Variants in GALNT1 observed in about 807,000 individuals in gnomAD.
GALNT1 encodes the protein polypeptide N-acetylgalactosaminyltransferase 1, also known as GalNAc transferase 1.
In GALNT1, 17 loss-of-function variants were observed where a neutral mutation model predicts 65.7. The observed-to-expected ratio is 0.26, with a 90% CI of 0.18 to 0.39. The LOEUF (loss-of-function observed/expected upper bound fraction) is 0.39. GALNT1 is among the 10% of genes least tolerant of loss of function. The probability of loss-of-function intolerance (pLI) is 1.00; values close to 1 mark genes in which losing one functional copy is unlikely to be tolerated. For synonymous variants in GALNT1, 210 were observed against 219.7 expected (o/e 0.96, Z 0.39); for missense variants, 460 against 672.8 (o/e 0.68, Z 3.50).
At chr18:35,626,814 A>G (rs2046923409) in intron 1 of GALNT1, among the ~76,000 whole-genome samples, 2 of 152,154 alleles carry the variant, frequency 1.3e-5, no homozygotes, top group South Asian at 2.1e-4. Context: ...AGCATACACT[A>G]CTTCTGTACT....
At chr18:35,636,804 T>C (rs1329867667) in intron 1 of GALNT1, among the ~76,000 whole-genome samples, 1 of 149,480 alleles carries the variant, frequency 6.7e-6, no homozygotes, top group Non-Finnish European at 1.5e-5. Flanking sequence ...TTTTTTTTTT[T>C]TTTTCAACAA....
At chr18:35,697,648 T>C (rs1051648232) in intron 9 of GALNT1, among the ~76,000 whole-genome samples, 4 of 152,212 alleles carry the variant, frequency 2.6e-5, no homozygotes, top group Admixed American at 2.0e-4. Flanking sequence ...CAAGGTCTCA[T>C]GGCTAGTCAG....
At chr18:35,686,952 T>C (rs2047877967) in intron 5 of GALNT1, 64 bp from the exon 6 acceptor site, 4 of 1,464,420 alleles carry the variant, frequency 2.7e-6, no homozygotes, top group African/African-American at 2.8e-5. Context: ...TATACAATTG[T>C]TCTGTAGTTG....
At chr18:35,593,093 T>A (rs1219318274) in intron 1 of GALNT1, among the ~76,000 whole-genome samples, 1 of 152,138 alleles carries the variant, frequency 6.6e-6, no homozygotes, top group African/African-American at 2.4e-5. Context: ...AGGAGGATGC[T>A]GCATGTCTGG....
At chr18:35,610,763 AT>A in intron 1 of GALNT1, among the ~76,000 whole-genome samples, 2 of 152,338 alleles carry the variant, frequency 1.3e-5, no homozygotes, top group South Asian at 4.1e-4. Flanking sequence ...TGATATGTTA[AT>A]ATAAACATTT....
At position 35,615,908 on chromosome 18, in the gene GALNT1, A is replaced by G. The variant is rs144384361; in HGVS notation, c.-104+34046A>G. On this transcript the variant is annotated intron_variant, in intron 1 of 11. Coordinates refer to ENST00000269195, the MANE Select transcript of GALNT1 (RefSeq NM_020474.4). The stretch of plus-strand genomic sequence containing the variant: ...TTGGCAGACTTTTCTGTAAAGGGCC[A>G]GATAGTAAGTATTTTAGCCTTTGCA... Among the ~76,000 whole-genome samples, 1,060 of 152,340 alleles carry G rather than the reference A, an allele frequency of 7.0e-3. 8 individuals carry two copies. Among genetic ancestry groups the G allele is most frequent in the Non-Finnish European group, 0.01 (708 of 68,030 alleles).
intron 5 of GALNT1, among the ~76,000 whole-genome samples, chr18:35,685,451 A>G (rs1328588898): frequency 6.6e-6 from 1 of 151,640 alleles, no homozygotes; most frequent in Non-Finnish European, 1.5e-5. Flanking sequence ...ACTATTATAC[A>G]GTGGAAGTTT....
At chr18:35,692,027 C>T (rs954495353) in intron 8 of GALNT1, among the ~76,000 whole-genome samples, 154 bp from the exon 9 acceptor site, 1 of 152,032 alleles carries the variant, frequency 6.6e-6, no homozygotes, top group African/African-American at 2.4e-5. Context: ...TTGCTTTATA[C>T]TTTTGGTGGA....
intron 1 of GALNT1, among the ~76,000 whole-genome samples, chr18:35,599,422 G>C (rs2046551641): frequency 7.2e-6 from 1 of 139,778 alleles, no homozygotes; most frequent in Non-Finnish European, 1.5e-5. Context: ...AAGCTGCAGT[G>C]AATTATGGCA....
intron 1 of GALNT1, among the ~76,000 whole-genome samples, chr18:35,634,739 C>T (rs2144234913): frequency 1.3e-5 from 2 of 152,228 alleles, no homozygotes; most frequent in East Asian, 3.9e-4. Context: ...ACAAACAATA[C>T]AATGTTGTTT....
intron 1 of GALNT1, among the ~76,000 whole-genome samples, chr18:35,616,641 GT>G (rs2046787171): frequency 6.6e-6 from 1 of 152,048 alleles, no homozygotes; most frequent in Admixed American, 6.6e-5. Flanking sequence ...ACCTTCTAGT[GT>G]TTTAGTGTTG....
chr18:35,617,999 G>A (rs1276716079), intron 1 of GALNT1, among the ~76,000 whole-genome samples: 1 of 150,926 alleles, frequency 6.6e-6, no homozygotes, highest in Non-Finnish European at 1.5e-5. Flanking sequence ...TGCTCTAGCA[G>A]ATAAAGGTTT....
Position 35,711,637 on chromosome 18 carries a change from G to A in GALNT1, c.*1867G>A, listed in dbSNP as rs1416047035. ...TTCATGCTCAGAATTTCAGGTTTTT[G>A]TACTCCAGCATAGCTTGGTCTTATT... On this transcript the variant is annotated 3_prime_UTR_variant, in exon 12 of 12. Coordinates refer to ENST00000269195, the MANE Select transcript of GALNT1 (RefSeq NM_020474.4). The A allele has an allele frequency of 1.3e-5, 2 of 152,268 alleles. No individual in the cohort carries two copies. The highest frequency in any genetic ancestry group is 1.3e-4 in the Admixed American group (2 of 15,282). 9.4% of individuals were successfully genotyped at this position (152,268 alleles called of 1,614,324 possible).
chr18:35,656,668 G>C (rs2047391464), intron 2 of GALNT1, among the ~76,000 whole-genome samples: 1 of 152,226 alleles, frequency 6.6e-6, no homozygotes, highest in Admixed American at 6.5e-5. Flanking sequence ...CATGCTAGGG[G>C]TTTTGGACTT....
At chr18:35,594,629 G>A (rs1229769227) in intron 1 of GALNT1, among the ~76,000 whole-genome samples, 1 of 152,180 alleles carries the variant, frequency 6.6e-6, no homozygotes, top group African/African-American at 2.4e-5. Flanking sequence ...ATGAAGTGAG[G>A]GATTTTTTGT....
chr18:35,651,925 T>C (rs758488330), intron 1 of GALNT1, among the ~76,000 whole-genome samples: 1 of 152,196 alleles, frequency 6.6e-6, no homozygotes, highest in Non-Finnish European at 1.5e-5. Flanking sequence ...AAATAAATGT[T>C]TTTTCATTCT....
At chr18:35,688,138 A>T (rs2047897058) in intron 6 of GALNT1, among the ~76,000 whole-genome samples, 1 of 152,236 alleles carries the variant, frequency 6.6e-6, no homozygotes. Context: ...TCTAATGGAG[A>T]AAAATGCACA....
At chr18:35,649,191 G>A (rs184813357) in intron 1 of GALNT1, among the ~76,000 whole-genome samples, 2 of 152,322 alleles carry the variant, frequency 1.3e-5, no homozygotes, top group African/African-American at 4.8e-5. Flanking sequence ...CCGTATTAGA[G>A]TTCCAGTTGC....
At chr18:35,613,663 A>T (rs1279944532) in intron 1 of GALNT1, among the ~76,000 whole-genome samples, 4 of 152,176 alleles carry the variant, frequency 2.6e-5, no homozygotes, top group Non-Finnish European at 4.4e-5. Flanking sequence ...GTAAAGCTGA[A>T]GCTCCCTGAA....
Sources: gnomAD v4.1 joint callset for allele counts (sites outside exome capture counted in the v4.1 genomes callset) on GRCh38, gnomAD v4.1.1 for gene constraint, MANE v1.5 for transcripts, NCBI Gene and HGNC (gene_info 2026-07-23, HGNC 2026-07-21) for gene names.